Variants in RLIG1 observed in about 807,000 individuals in gnomAD.
RLIG1 encodes RNA 5'-phosphate and 3'-OH ligase 1, also known as RNA ligase 1.
the RLIG1 span, chr12:88,042,072 A>G: frequency 6.6e-6 from 1 of 152,224 alleles, no homozygotes; most frequent in South Asian, 2.1e-4. Context: ...AGTAAGGAGT[A>G]TGGAGAGGCC....
the RLIG1 span, chr12:88,043,746 G>A: frequency 7.0e-7 from 1 of 1,426,416 alleles, no homozygotes; most frequent in Non-Finnish European, 9.8e-7. Context: ...GTGCAGTTTT[G>A]TGTTTACTAG....
chr12:88,042,274 T>C, the RLIG1 span: 1 of 152,174 alleles, frequency 6.6e-6, no homozygotes, highest in Non-Finnish European at 1.5e-5. Flanking sequence ...AGCAGAGCCC[T>C]CCAGGGTTCT....
At chr12:88,045,001 A>G in the RLIG1 span, 1 of 152,584 alleles carries the variant, frequency 6.6e-6, no homozygotes, top group African/African-American at 2.4e-5. Flanking sequence ...AGCAAATTTA[A>G]GTTTTAGAAA....
chr12:88,035,814 C>T, the RLIG1 span: 3 of 1,545,928 alleles, frequency 1.9e-6, no homozygotes, highest in African/African-American at 1.4e-5. Context: ...GCGAACCCGG[C>T]GAGGGCGGCT....
chr12:88,048,512 A>T, the RLIG1 span: 1 of 756,542 alleles, frequency 1.3e-6, no homozygotes, highest in Non-Finnish European at 1.9e-6. Context: ...TCATTATGAA[A>T]CATCAATATG....
the RLIG1 span, chr12:88,041,595 T>G: frequency 2.6e-5 from 4 of 152,242 alleles, no homozygotes; most frequent in African/African-American, 9.6e-5. Flanking sequence ...TCTGCTTTTT[T>G]CTGTTTGGAT....
chr12:88,041,588 G>C, the RLIG1 span: 4 of 152,088 alleles, frequency 2.6e-5, no homozygotes, highest in Non-Finnish European at 4.4e-5. Flanking sequence ...CTTATTTTCT[G>C]CTTTTTTCTG....
the RLIG1 span, chr12:88,035,551 C>T: frequency 4.7e-6 from 6 of 1,285,292 alleles, no homozygotes; most frequent in African/African-American, 4.4e-5. Flanking sequence ...GTGTGCGTGG[C>T]CTGAGCCGTG....
the RLIG1 span, among the ~76,000 whole-genome samples, chr12:88,039,417 G>T: frequency 6.6e-6 from 1 of 152,124 alleles, no homozygotes; most frequent in East Asian, 1.9e-4. Context: ...AATTACAATT[G>T]AAAGATACTT....
At chr12:88,048,980 T>C in the RLIG1 span, 3 of 360,118 alleles carry the variant, frequency 8.3e-6, no homozygotes, top group Non-Finnish European at 1.5e-5. Context: ...GCCTATTTGA[T>C]GGCTGTAACA....
the RLIG1 span, chr12:88,036,004 G>A: frequency 6.7e-7 from 1 of 1,499,820 alleles, no homozygotes; most frequent in Non-Finnish European, 8.9e-7. Context: ...GCAAGGAAAT[G>A]GATAACTCAC....
chr12:88,044,446 A>C, the RLIG1 span: 4 of 152,214 alleles, frequency 2.6e-5, no homozygotes, highest in African/African-American at 9.7e-5. Flanking sequence ...TAGGTTCTCA[A>C]CCGGCATGTC....
chr12:88,045,596 G>C, the RLIG1 span: 6 of 1,611,064 alleles, frequency 3.7e-6, no homozygotes, highest in East Asian at 1.3e-4. Context: ...GGTACCAGTA[G>C]AGAAAAACAA....
At chr12:88,043,666 A>G in the RLIG1 span, 2 of 1,613,314 alleles carry the variant, frequency 1.2e-6, no homozygotes, top group South Asian at 1.1e-5. Flanking sequence ...CAAAGGAGAC[A>G]GAACAAATAA....
At chr12:88,045,358 T>A in the RLIG1 span, 1 of 464,916 alleles carries the variant, frequency 2.2e-6, no homozygotes, top group South Asian at 2.6e-5. Context: ...TGCTAGGTGC[T>A]GTGTAGTGAA....
At chr12:88,049,292 C>G in the RLIG1 span, 1 of 1,604,832 alleles carries the variant, frequency 6.2e-7, no homozygotes, top group Non-Finnish European at 8.5e-7. Flanking sequence ...GTTTTTTTAC[C>G]TTCTCTTCTA....
chr12:88,043,693 T>C, the RLIG1 span: 8 of 1,610,944 alleles, frequency 5.0e-6, no homozygotes, highest in Non-Finnish European at 6.8e-6. Flanking sequence ...ACCCAGTGCC[T>C]GATGAAAATG....
chr12:88,040,049 C>T, the RLIG1 span: 1 of 721,190 alleles, frequency 1.4e-6, no homozygotes, highest in Non-Finnish European at 2.5e-6. Context: ...GAGATCATTC[C>T]TTAAAACTAA....
the RLIG1 span, among the ~76,000 whole-genome samples, chr12:88,047,498 T>C: frequency 6.6e-6 from 1 of 152,144 alleles, no homozygotes; most frequent in African/African-American, 2.4e-5. Context: ...AACTTGGATA[T>C]TAATTTTAAC....
Sources: allele counts gnomAD v4.1 joint callset (sites outside exome capture counted in the v4.1 genomes callset), GRCh38; gene constraint gnomAD v4.1.1; transcripts MANE v1.5; gene names NCBI Gene and HGNC (gene_info 2026-07-23, HGNC 2026-07-21).